UPB1: variants seen among roughly 807,000 people sequenced by gnomAD.
The protein encoded by UPB1 is beta-ureidopropionase.
UPB1 carries 40 observed loss-of-function variants against 49.1 expected under a neutral mutation model. The observed-to-expected ratio is 0.81, with a 90% CI of 0.63 to 1.06. UPB1 has a LOEUF of 1.06. UPB1 is among the 50% of genes least tolerant of loss of function. UPB1 has a pLI of 0.00. For synonymous variants in UPB1, 207 were observed against 198.2 expected, an observed-to-expected ratio of 1.04 and a Z score of -0.38; for missense variants, 499 against 505.9, an observed-to-expected ratio of 0.99 and a Z score of 0.13.
chr22:24,513,144 A>G (rs576171569), intron 4 of UPB1, among the ~76,000 whole-genome samples, 180 bp from the exon 5 acceptor site: 1 of 152,328 alleles, frequency 6.6e-6, no homozygotes, highest in African/African-American at 2.4e-5. Context: ...AACTGTGTAC[A>G]GGACAATGTG....
Position 24,502,211 on chromosome 22 carries a change from GGAGT to G in UPB1, c.364+3_364+6del. On this transcript the variant is annotated splice_donor_variant and coding_sequence_variant, in exon 3 of 10. Transcript: ENST00000326010. LOFTEE classifies it high-confidence loss of function. ...AACATCATCTGTTTCCAGGAAGCAT[GGAGT>G]GAGTCTTTTTTATGGTGCTTTCTCT... 6.2e-7 allele frequency: 1 copy of G among 1,614,096 alleles called. No individual in the cohort carries two copies. The highest frequency in any genetic ancestry group is 8.5e-7 in the Non-Finnish European group (1 of 1,179,962).
chr22:24,505,397 T>TAGTGGTAA lies in UPB1; in HGVS notation c.364+3185_364+3192dup, dbSNP rs2044072040. Among the ~76,000 whole-genome samples, 3 of 152,358 alleles carry TAGTGGTAA rather than the reference T, an allele frequency of 2.0e-5. No individual in the cohort carries two copies. In the South Asian group the frequency reaches 6.2e-4, roughly 32 times the overall value. ...AGCTCCATTATAGGGTGATCTGATT[T>TAGTGGTAA]AGTGGTAATTCCCAGGTAATCCCAG... is the stretch of plus-strand genomic sequence containing the variant. On this transcript the variant is annotated intron_variant, in intron 3 of 9. Transcript: ENST00000326010.
Position 24,495,879 on chromosome 22 carries a change from T to G in UPB1, c.104+372T>G, listed in dbSNP as rs537904574. On this transcript the variant is annotated intron_variant, in intron 1 of 9. Transcript: ENST00000326010. ...CAGAGCACCCAGCAGGTGTACTGATTGTCCGGCCCCAGACCATCCTTCTTG... is the reference window on the plus strand; with the variant it reads ...CAGAGCACCCAGCAGGTGTACTGATGGTCCGGCCCCAGACCATCCTTCTTG... Among the ~76,000 whole-genome samples the G allele has an allele frequency of 2.6e-3, 400 of 152,268 alleles. 1 individual carries two copies. The highest frequency in any genetic ancestry group is 8.9e-3 in the African/African-American group (371 of 41,554).
intron 8 of UPB1, 82 bp from the exon 9 acceptor site, chr22:24,523,537 C>T: frequency 1.3e-6 from 2 of 1,598,636 alleles, no homozygotes; most frequent in Non-Finnish European, 1.7e-6. Flanking sequence ...TGTCCTGGGC[C>T]TGCCTCAAGG....
rs181495792 is a variant in UPB1, at chr22:24,508,514, G to A, written c.365-2235G>A. Among the ~76,000 whole-genome samples, 19 of 151,864 alleles carry A rather than the reference G, an allele frequency of 1.3e-4. No homozygotes were observed. In the East Asian group the frequency reaches 1.9e-3, roughly 15 times the overall value. On this transcript the variant is annotated intron_variant, in intron 3 of 9. Transcript: ENST00000326010. ...GTGGAGGTTGCAATGAGCCAAGATC[G>A]TGCCACTGCACTCCAGCCTGGGCAA... is the stretch of plus-strand genomic sequence containing the variant.
chr22:24,522,160 A>T, intron 8 of UPB1, 132 bp downstream of exon 8: 2 of 1,057,502 alleles, frequency 1.9e-6, no homozygotes, highest in Non-Finnish European at 2.9e-6. Context: ...GGAGGCGCCA[A>T]TTCCTCTCTG....
At position 24,500,080 on chromosome 22, in the gene UPB1, CTTCCCTCTT is replaced by C. The variant is rs773124044; in HGVS notation, c.105-24_105-16del. ...GTGGAGCAGACTGCATCAAAATCCC[CTTCCCTCTT>C]TTTTCCTGCCCATCTAGGAAGCTTG... is the stretch of plus-strand genomic sequence containing the variant. On this transcript the variant is annotated intron_variant, in intron 1 of 9. Transcript: ENST00000326010. 1 of 1,613,936 alleles carries C rather than the reference CTTCCCTCTT, an allele frequency of 6.2e-7. No individual in the cohort carries two copies. Among genetic ancestry groups the C allele is most frequent in the South Asian group, 1.1e-5 (1 of 91,054 alleles).
At chr22:24,503,558 A>G (rs905346685) in intron 3 of UPB1, 5 of 152,142 alleles carry the variant, frequency 3.3e-5, no homozygotes, top group Non-Finnish European at 4.4e-5. Flanking sequence ...TTCCAGATCT[A>G]CACCACACCG....
At position 24,502,023 on chromosome 22, in the gene UPB1, C is replaced by T. The variant is rs1012635320; in HGVS notation, c.277-103C>T. The T allele has an allele frequency of 8.5e-6, 10 of 1,176,218 alleles. No homozygotes were observed. The African/African-American group carries it at 1.1e-4, about 12-fold the overall frequency. The allele number at this position is 1,176,218 out of a possible 1,614,324, so 72.9% of individuals were successfully genotyped here. Reference sequence around the variant, plus strand: ...AACCTCCCCACCCTACTCCTCATACCTGCCCAGGTGGGCATTGATTTTTCC... The same window carrying T: ...AACCTCCCCACCCTACTCCTCATACTTGCCCAGGTGGGCATTGATTTTTCC... On this transcript the variant is annotated intron_variant, in intron 2 of 9. Coordinates refer to ENST00000326010, the MANE Select transcript of UPB1 (RefSeq NM_016327.3).
chr22:24,526,091 T>G lies in UPB1; in HGVS notation c.*297T>G. The G allele has an allele frequency of 2.5e-6, 1 of 398,920 alleles. No individual in the cohort carries two copies. The highest frequency in any genetic ancestry group is 3.7e-5 in the Admixed American group (1 of 27,356). 24.7% of individuals were successfully genotyped at this position (398,920 alleles called of 1,614,324 possible). On this transcript the variant is annotated 3_prime_UTR_variant, in exon 10 of 10. Transcript: ENST00000326010. ...ATTTTACCTCAACTAAAAAAAAAAA[T>G]GCCCAGGTACTGCTTGTGCAGGTGG... is the stretch of plus-strand genomic sequence containing the variant.
Position 24,509,361 on chromosome 22 carries a change from GAAAAAAAAAAAAA to G in UPB1, c.365-1365_365-1353del, listed in dbSNP as rs202081655. Among the ~76,000 whole-genome samples the G allele has an allele frequency of 2.6e-3, 240 of 92,176 alleles. 1 individual carries two copies. The highest frequency in any genetic ancestry group is 9.3e-3 in the African/African-American group (199 of 21,344). 60.5% of individuals were successfully genotyped at this position (92,176 alleles called of 152,430 possible). The stretch of plus-strand genomic sequence containing the variant: ...ATCTGTGTGTATGTACCTACTGTTT[GAAAAAAAAAAAAA>G]AAAAAAAAAAAAAAAAAAAAAAGCA... On this transcript the variant is annotated intron_variant, in intron 3 of 9. Coordinates refer to ENST00000326010, the MANE Select transcript of UPB1 (RefSeq NM_016327.3).
At chr22:24,517,413 C>A (rs2044315903) in intron 6 of UPB1, among the ~76,000 whole-genome samples, 1 of 152,220 alleles carries the variant, frequency 6.6e-6, no homozygotes, top group Non-Finnish European at 1.5e-5. Context: ...TAAAGCAGCC[C>A]CCTCTGCTGG....
intron 5 of UPB1, among the ~76,000 whole-genome samples, chr22:24,513,972 C>T (rs1340391291): frequency 6.6e-6 from 1 of 152,072 alleles, no homozygotes; most frequent in East Asian, 1.9e-4. Context: ...GGCAAACATG[C>T]ATGTCTGTAT....
intron 1 of UPB1, among the ~76,000 whole-genome samples, chr22:24,496,901 T>G (rs996749738): frequency 6.6e-6 from 1 of 152,144 alleles, no homozygotes; most frequent in Non-Finnish European, 1.5e-5. Flanking sequence ...CTGTTGGCAG[T>G]TCCTGAGATG....
chr22:24,521,179 CAAAAAAAA>C (rs34276962), intron 7 of UPB1, among the ~76,000 whole-genome samples: 2 of 62,680 alleles, frequency 3.2e-5, no homozygotes, highest in African/African-American at 6.5e-5. Flanking sequence ...GAGACTCTGT[CAAAAAAAA>C]AAAAAAAAAA....
At chr22:24,519,948 G>GC (rs2044357855) in intron 6 of UPB1, 1 of 281,646 alleles carries the variant, frequency 3.6e-6, no homozygotes, top group Non-Finnish European at 7.0e-6. Context: ...CCAGGAGAAG[G>GC]GATGGAGGTG....
Position 24,500,224 on chromosome 22 carries a change from G to A in UPB1, c.222G>A (p.Val74=). Residue 74 remains valine (V), a synonymous_variant, in exon 2 of 10, where the codon GTG becomes GTA. Coordinates refer to ENST00000326010, the MANE Select transcript of UPB1 (RefSeq NM_016327.3). Reference sequence around the variant, plus strand: ...TGAGACGACCCCGCATTGTGCACGTGGGGCTGGTTCAGAACAGAATCCCCC... The same window carrying A: ...TGAGACGACCCCGCATTGTGCACGTAGGGCTGGTTCAGAACAGAATCCCCC... ...EQLRRPRIVH[V]GLVQNRIPLP... The A allele has an allele frequency of 6.2e-7, 1 of 1,614,232 alleles. No homozygotes were observed. Among genetic ancestry groups the A allele is most frequent in the Non-Finnish European group, 8.5e-7 (1 of 1,180,046 alleles).
chr22:24,506,416 A>G (rs1170355934), intron 3 of UPB1, among the ~76,000 whole-genome samples: 2 of 152,068 alleles, frequency 1.3e-5, no homozygotes, highest in Non-Finnish European at 2.9e-5. Flanking sequence ...CTGGGTCCTG[A>G]GCTTTGGATA....
chr22:24,495,969 C>G (rs932644655), intron 1 of UPB1, among the ~76,000 whole-genome samples: 3 of 152,172 alleles, frequency 2.0e-5, no homozygotes, highest in Non-Finnish European at 4.4e-5. Flanking sequence ...GGCGAGGGAA[C>G]CTTTCCCACT....
Sources: allele counts gnomAD v4.1 joint callset (sites outside exome capture counted in the v4.1 genomes callset), GRCh38; gene constraint gnomAD v4.1.1; transcripts MANE v1.5; gene names NCBI Gene and HGNC (gene_info 2026-07-23, HGNC 2026-07-21).